Variants in PACSIN2 observed in about 807,000 individuals in gnomAD.
PACSIN2 encodes protein kinase C and casein kinase substrate in neurons protein 2.
PACSIN2 carries 25 observed loss-of-function variants against 63.8 expected under a neutral mutation model. The ratio of observed to expected loss-of-function variants is 0.39; its 90% confidence interval spans 0.29 to 0.55. The LOEUF (loss-of-function observed/expected upper bound fraction) is 0.55, where lower values mean the gene tolerates loss of function less well. PACSIN2 is among the 20% of genes least tolerant of loss of function. The probability of loss-of-function intolerance (pLI) is 0.62; values close to 1 mark genes in which losing one functional copy is unlikely to be tolerated. For missense variants in PACSIN2, 518 were observed against 646.9 expected (o/e 0.80, Z 2.16); for synonymous variants, 255 against 256.2 (o/e 1.00, Z 0.05).
intron 5 of PACSIN2, among the ~76,000 whole-genome samples, chr22:42,885,311 G>GC: frequency 6.6e-6 from 1 of 152,130 alleles, no homozygotes; most frequent in East Asian, 1.9e-4. Context: ...CCTCATCTCA[G>GC]CATGCAGGGC....
intron 1 of PACSIN2, among the ~76,000 whole-genome samples, chr22:42,946,099 A>G (rs750160250): frequency 6.6e-6 from 1 of 152,214 alleles, no homozygotes; most frequent in Non-Finnish European, 1.5e-5. Flanking sequence ...CAAATGCACA[A>G]ATGAATTAGA....
rs57140073 is a variant in PACSIN2 at position 42,975,457 on chromosome 22, A to AATATATATATATATAT, written c.-78+39563_-78+39564insATATATATATATATAT. Among the ~76,000 whole-genome samples, 551 of 140,714 alleles carry AATATATATATATATAT rather than the reference A, an allele frequency of 3.9e-3. 2 individuals are homozygous for AATATATATATATATAT. Among genetic ancestry groups the AATATATATATATATAT allele is most frequent in the South Asian group, 0.014 (64 of 4,554 alleles). The allele number at this position is 140,714 out of a possible 152,430, so 92.3% of individuals were successfully genotyped here. ...TCTACAAAAATAAAAAATATATACA[A>AATATATATATATATAT]ATATATATATATATAGCATGCACAC... On this transcript the variant is annotated intron_variant, in intron 1 of 10. Transcript: ENST00000263246.
At chr22:42,954,889 G>A (rs1236050989) in intron 1 of PACSIN2, among the ~76,000 whole-genome samples, 1 of 152,078 alleles carries the variant, frequency 6.6e-6, no homozygotes, top group Non-Finnish European at 1.5e-5. Flanking sequence ...GAACAAACTG[G>A]TTTGGATCTG....
chr22:42,995,694 A>G (rs1005441568), intron 1 of PACSIN2, among the ~76,000 whole-genome samples: 1 of 152,224 alleles, frequency 6.6e-6, no homozygotes, highest in Non-Finnish European at 1.5e-5. Context: ...TCAAGTGCCT[A>G]TAATGTCCAC....
At chr22:43,014,251 C>A (rs1382564341) in intron 1 of PACSIN2, among the ~76,000 whole-genome samples, 1 of 151,696 alleles carries the variant, frequency 6.6e-6, no homozygotes, top group Non-Finnish European at 1.5e-5. Flanking sequence ...CAAGGGCAAA[C>A]CTCCCCGGCC....
In PACSIN2 at chr22:43,009,671, C is replaced by T. The variant is rs890337349; in HGVS notation, c.-78+5350G>A. Among the ~76,000 whole-genome samples the T allele has an allele frequency of 3.9e-5, 6 of 152,194 alleles. 2 individuals carry two copies. Among genetic ancestry groups the T allele is most frequent in the Admixed American group, 3.9e-4 (6 of 15,274 alleles). ...GCCCAAGGCTCCTAGTCTCCATCCA[C>T]GCTCCTCCCCCTCTGTCATCTCATA... On this transcript the variant is annotated intron_variant, in intron 1 of 10. Coordinates refer to ENST00000263246, the MANE Select transcript of PACSIN2 (RefSeq NM_001184970.3).
intron 1 of PACSIN2, among the ~76,000 whole-genome samples, chr22:42,931,843 C>G (rs1337844355): frequency 6.6e-6 from 1 of 152,156 alleles, no homozygotes; most frequent in Non-Finnish European, 1.5e-5. Flanking sequence ...GAAAATGTCA[C>G]AAAACCCCCA....
chr22:42,951,707 C>G (rs1269874539), intron 1 of PACSIN2, among the ~76,000 whole-genome samples: 1 of 152,224 alleles, frequency 6.6e-6, no homozygotes, highest in Non-Finnish European at 1.5e-5. Context: ...CACACCACCT[C>G]TGTCTCAGTT....
chr22:42,917,851 C>T (rs1931915583), intron 1 of PACSIN2, among the ~76,000 whole-genome samples: 1 of 151,998 alleles, frequency 6.6e-6, no homozygotes, highest in Non-Finnish European at 1.5e-5. Context: ...CCTTTAACTC[C>T]TGGGCTCAAG....
intron 1 of PACSIN2, among the ~76,000 whole-genome samples, chr22:42,936,825 CACCTGA>C (rs1244991540): frequency 2.0e-5 from 3 of 150,304 alleles, no homozygotes; most frequent in Non-Finnish European, 4.4e-5. Flanking sequence ...GCAAGAGAAT[CACCTGA>C]ACCCGCGAGA....
chr22:43,009,463 C>T (rs1924310055), intron 1 of PACSIN2, among the ~76,000 whole-genome samples: 1 of 152,216 alleles, frequency 6.6e-6, no homozygotes, highest in Non-Finnish European at 1.5e-5. Context: ...TAATCCAGTT[C>T]TTAATCTGGG....
At chr22:42,883,582 C>T (rs1929234427) in intron 6 of PACSIN2, among the ~76,000 whole-genome samples, 1 of 152,214 alleles carries the variant, frequency 6.6e-6, no homozygotes, top group Non-Finnish European at 1.5e-5. Flanking sequence ...AACCAAGTCT[C>T]AGAGGGTATG....
chr22:42,934,736 C>T (rs1932857988), intron 1 of PACSIN2, among the ~76,000 whole-genome samples: 1 of 152,224 alleles, frequency 6.6e-6, no homozygotes, highest in Non-Finnish European at 1.5e-5. Context: ...GCCCCCATTC[C>T]TCTTTCCCCA....
At chr22:43,010,777 G>GA (rs1309167417) in intron 1 of PACSIN2, among the ~76,000 whole-genome samples, 1 of 152,158 alleles carries the variant, frequency 6.6e-6, no homozygotes, top group Non-Finnish European at 1.5e-5. Context: ...TAGGAAACAA[G>GA]AAAGACTCTA....
chr22:42,931,641 G>A (rs563550458), intron 1 of PACSIN2, among the ~76,000 whole-genome samples: 4 of 152,356 alleles, frequency 2.6e-5, no homozygotes, highest in African/African-American at 9.6e-5. Context: ...AAATCCCCAT[G>A]TGGTTTAAAC....
At chr22:42,990,325 C>T (rs2146902357) in intron 1 of PACSIN2, among the ~76,000 whole-genome samples, 1 of 152,224 alleles carries the variant, frequency 6.6e-6, no homozygotes, top group East Asian at 1.9e-4. Context: ...CCTCATGTCA[C>T]TCATGCCTGC....
intron 1 of PACSIN2, among the ~76,000 whole-genome samples, chr22:42,983,316 C>CTAA (rs1922355608): frequency 1.6e-5 from 1 of 63,630 alleles, no homozygotes; most frequent in African/African-American, 5.6e-5. Flanking sequence ...GACTCCATCT[C>CTAA]AAAAAAAAAA....
chr22:42,949,638 C>G (rs1933590721), intron 1 of PACSIN2, among the ~76,000 whole-genome samples: 2 of 151,770 alleles, frequency 1.3e-5, no homozygotes, highest in African/African-American at 4.8e-5. Context: ...ACTCTCTTGA[C>G]TTCATTACAA....
At chr22:42,874,917 C>G (rs1049461158) in intron 10 of PACSIN2, among the ~76,000 whole-genome samples, 2 of 150,208 alleles carry the variant, frequency 1.3e-5, no homozygotes, top group African/African-American at 4.9e-5. Context: ...GTGGCGCAAT[C>G]TCGGCTCACT....
Sources: allele counts gnomAD v4.1 joint callset (sites outside exome capture counted in the v4.1 genomes callset), GRCh38; gene constraint gnomAD v4.1.1; transcripts MANE v1.5; gene names NCBI Gene and HGNC (gene_info 2026-07-23, HGNC 2026-07-21).